SLC9A9: variants seen among roughly 807,000 people sequenced by gnomAD.
SLC9A9 encodes the protein sodium/hydrogen exchanger 9.
SLC9A9 carries 62 observed loss-of-function variants against 77.8 expected under a neutral mutation model. The ratio of observed to expected loss-of-function variants is 0.80; its 90% CI spans 0.65 to 0.98. The LOEUF (loss-of-function observed/expected upper bound fraction) is 0.98. Among genes scored for constraint, SLC9A9 ranks in the 50% least tolerant of loss-of-function variants. The probability of loss-of-function intolerance (pLI) is 0.00; values close to 1 mark genes in which losing one functional copy is unlikely to be tolerated. For synonymous variants in SLC9A9, 320 were observed against 283.5 expected (o/e 1.13, Z -1.29); for missense variants, 775 against 774.9 (o/e 1.00, Z 0.00).
intron 1 of SLC9A9, among the ~76,000 whole-genome samples, chr3:143,845,305 C>T (rs1367699458): frequency 2.0e-5 from 3 of 152,126 alleles, no homozygotes; most frequent in Non-Finnish European, 2.9e-5. Flanking sequence ...AGCTGTTGGA[C>T]AATTAATTCA....
At chr3:143,753,637 G>A (rs2006820157) in intron 4 of SLC9A9, among the ~76,000 whole-genome samples, 1 of 152,152 alleles carries the variant, frequency 6.6e-6, no homozygotes, top group Non-Finnish European at 1.5e-5. Flanking sequence ...GTGCTGTGCT[G>A]TAGCAGGCCA....
chr3:143,645,041 G>A (rs868147659), intron 6 of SLC9A9, among the ~76,000 whole-genome samples: 4 of 152,240 alleles, frequency 2.6e-5, no homozygotes, highest in African/African-American at 4.8e-5. Context: ...GCACTAATGA[G>A]GGTTTCTAAC....
chr3:143,596,382 T>C (rs1197419382), intron 6 of SLC9A9, among the ~76,000 whole-genome samples: 1 of 152,168 alleles, frequency 6.6e-6, no homozygotes, highest in Non-Finnish European at 1.5e-5. Context: ...TCAGAGTTCT[T>C]TGGAAGTGAG....
intron 9 of SLC9A9, among the ~76,000 whole-genome samples, chr3:143,500,680 C>T (rs979038631): frequency 3.3e-5 from 5 of 151,932 alleles, no homozygotes; most frequent in Non-Finnish European, 7.4e-5. Context: ...CAGGTGAAAA[C>T]CAATTTTTGT....
intron 8 of SLC9A9, among the ~76,000 whole-genome samples, chr3:143,560,222 G>C (rs2037057446): frequency 6.6e-6 from 1 of 152,214 alleles, no homozygotes; most frequent in Non-Finnish European, 1.5e-5. Flanking sequence ...TATACTATTA[G>C]GGGATGTCCA....
intron 12 of SLC9A9, among the ~76,000 whole-genome samples, chr3:143,465,313 C>T (rs1352252751): frequency 6.6e-6 from 1 of 152,204 alleles, no homozygotes; most frequent in African/African-American, 2.4e-5. Flanking sequence ...CTGTTTAAAG[C>T]CCCACTATAA....
intron 12 of SLC9A9, among the ~76,000 whole-genome samples, chr3:143,392,303 C>G (rs555564897): frequency 6.6e-6 from 1 of 152,258 alleles, no homozygotes; most frequent in South Asian, 2.1e-4. Flanking sequence ...ATTCAACATT[C>G]TTAAAGAAAA....
At chr3:143,363,193 A>C (rs1286436055) in intron 14 of SLC9A9, among the ~76,000 whole-genome samples, 1 of 152,240 alleles carries the variant, frequency 6.6e-6, no homozygotes, top group African/African-American at 2.4e-5. Context: ...AAGGGAGAAC[A>C]GCAAAACAGC....
chr3:143,570,167 C>T (rs966407852), intron 8 of SLC9A9, among the ~76,000 whole-genome samples: 17 of 151,808 alleles, frequency 1.1e-4, no homozygotes, highest in African/African-American at 2.4e-4. Flanking sequence ...CATCTCAACA[C>T]GAAAACAGTT....
intron 9 of SLC9A9, among the ~76,000 whole-genome samples, chr3:143,532,216 G>A (rs1228034805): frequency 1.3e-5 from 2 of 152,184 alleles, no homozygotes; most frequent in African/African-American, 4.8e-5. Flanking sequence ...TCTCTGGGGG[G>A]ACAGGGAGAG....
chr3:143,534,654 G>T (rs2036563555), intron 9 of SLC9A9, among the ~76,000 whole-genome samples: 1 of 152,156 alleles, frequency 6.6e-6, no homozygotes, highest in African/African-American at 2.4e-5. Flanking sequence ...TGGGGTCCTG[G>T]CACCTACCTG....
intron 14 of SLC9A9, among the ~76,000 whole-genome samples, chr3:143,339,141 G>C (rs1475388138): frequency 6.6e-6 from 1 of 152,122 alleles, no homozygotes; most frequent in Non-Finnish European, 1.5e-5. Flanking sequence ...GTTTCTTTGT[G>C]CCACCACCTG....
At chr3:143,807,723 C>T (rs999717215) in intron 2 of SLC9A9, among the ~76,000 whole-genome samples, 1 of 151,758 alleles carries the variant, frequency 6.6e-6, no homozygotes, top group Non-Finnish European at 1.5e-5. Context: ...GCAGCCTGGG[C>T]AATAGAATGA....
chr3:143,815,099 A>G (rs1164354478), intron 2 of SLC9A9, among the ~76,000 whole-genome samples: 1 of 152,214 alleles, frequency 6.6e-6, no homozygotes, highest in Non-Finnish European at 1.5e-5. Context: ...GGTAAGGGCC[A>G]AAATAATGAA....
intron 14 of SLC9A9, among the ~76,000 whole-genome samples, chr3:143,326,099 A>G (rs1243187381): frequency 6.6e-6 from 1 of 152,212 alleles, no homozygotes; most frequent in Non-Finnish European, 1.5e-5. Flanking sequence ...TAATGGAAAG[A>G]AAAAGTATAA....
At chr3:143,642,034 T>C (rs1165103570) in intron 6 of SLC9A9, among the ~76,000 whole-genome samples, 1 of 152,250 alleles carries the variant, frequency 6.6e-6, no homozygotes, top group Non-Finnish European at 1.5e-5. Flanking sequence ...TAGTTTCCTA[T>C]TTCTACTCAA....
At chr3:143,587,997 A>G (rs1181945086) in intron 6 of SLC9A9, among the ~76,000 whole-genome samples, 1 of 152,222 alleles carries the variant, frequency 6.6e-6, no homozygotes, top group African/African-American at 2.4e-5. Context: ...GTATTTCCAG[A>G]AGACAAGATA....
At chr3:143,289,051 T>G (rs747543985) in intron 14 of SLC9A9, among the ~76,000 whole-genome samples, 1 of 152,154 alleles carries the variant, frequency 6.6e-6, no homozygotes, top group African/African-American at 2.4e-5. Flanking sequence ...GCATCCACTG[T>G]CAGACTTTAA....
chr3:143,625,392 A>C (rs1257158832), intron 6 of SLC9A9, among the ~76,000 whole-genome samples: 1 of 152,080 alleles, frequency 6.6e-6, no homozygotes, highest in Non-Finnish European at 1.5e-5. Context: ...AACCAAAACA[A>C]CATGGTACTG....
Sources: allele counts gnomAD v4.1 joint callset (sites outside exome capture counted in the v4.1 genomes callset), GRCh38; gene constraint gnomAD v4.1.1; transcripts MANE v1.5; gene names NCBI Gene and HGNC (gene_info 2026-07-23, HGNC 2026-07-21).